The following WDR64 variants were observed in gnomAD, a reference collection of about 807,000 sequenced individuals.
The protein encoded by WDR64 is WD repeat-containing protein 64.
A neutral mutation model predicts 139.3 loss-of-function variants in WDR64; 112 were observed. That is an observed-to-expected ratio of 0.80 (90% CI 0.69 to 0.94). WDR64 has a LOEUF of 0.94. Among genes scored for constraint, WDR64 ranks in the 40% least tolerant of loss-of-function variants. The pLI is 0.00. For missense variants in WDR64, 1,206 were observed against 1,293.1 expected (o/e 0.93, Z 1.03); for synonymous variants, 444 against 437.7 (o/e 1.01, Z -0.18).
Position 241,781,521 on chromosome 1 carries a change from G to C in WDR64, c.2595+1459G>C, listed in dbSNP as rs1658844052. Among the ~76,000 whole-genome samples the C allele has an allele frequency of 2.0e-5, 3 of 151,980 alleles. No homozygotes were observed. The South Asian group carries it at 6.2e-4, about 31-fold the overall frequency. On this transcript the variant is annotated intron_variant, in intron 22 of 27. Coordinates refer to ENST00000437684, the MANE Select transcript of WDR64 (RefSeq NM_001367482.1). ...AATGAATACCTAATAGGTCAGTCTA[G>C]AAAAAAAGGTTAATCTTGTTCTCTC...
Position 241,652,434 on chromosome 1 carries a change from T to C in WDR64, c.-51T>C. On this transcript the variant is annotated 5_prime_UTR_variant, in exon 1 of 28. Coordinates refer to ENST00000437684, the MANE Select transcript of WDR64 (RefSeq NM_001367482.1). ...ACAACTGGAAAGTTTTCCAAATTGG[T>C]AAACTTGCAGTATTCTTTCTGTACA... The C allele has an allele frequency of 6.6e-7, 1 of 1,515,982 alleles. No homozygotes were observed. The highest frequency in any genetic ancestry group is 8.8e-7 in the Non-Finnish European group (1 of 1,130,076). The allele number at this position is 1,515,982 out of a possible 1,614,324, so 93.9% of individuals were successfully genotyped here. A position where few individuals can be genotyped will look rare whatever the true frequency, so the allele number is the denominator to read the frequency against.
intron 14 of WDR64, among the ~76,000 whole-genome samples, chr1:241,754,761 C>T (rs1034696586): frequency 6.6e-6 from 1 of 152,060 alleles, no homozygotes; most frequent in Non-Finnish European, 1.5e-5. Context: ...TGATGTTCCC[C>T]TCCCTGTGTC....
Position 241,787,953 on chromosome 1 carries a change from A to C in WDR64, c.2810A>C (p.Glu937Ala), listed in dbSNP as rs1365816451. Reference protein sequence around the residue: ...RDFILPCDVTEYPIEIKEESK... With the variant: ...RDFILPCDVTAYPIEIKEESK... ...TTCATTTTGCCTTGTGATGTTACTG[A>C]ATATCCCATAGAAATAAAAGAAGAA... Residue 937 changes from glutamate to alanine, a missense_variant, in exon 24 of 28, where the codon GAA (glutamate) becomes GCA (alanine). Coordinates refer to ENST00000437684, the MANE Select transcript of WDR64 (RefSeq NM_001367482.1). The C allele has an allele frequency of 1.2e-6, 2 of 1,611,854 alleles. No individual in the cohort carries two copies. The highest frequency in any genetic ancestry group is 1.3e-5 in the African/African-American group (1 of 74,782).
At chr1:241,737,732 T>C (rs1669381626) in intron 10 of WDR64, among the ~76,000 whole-genome samples, 3 of 152,188 alleles carry the variant, frequency 2.0e-5, no homozygotes, top group South Asian at 4.1e-4. Context: ...TTGTACTTCA[T>C]TGTTCTTTCT....
intron 8 of WDR64, among the ~76,000 whole-genome samples, chr1:241,690,288 T>C (rs912779979): frequency 1.3e-5 from 2 of 151,976 alleles, no homozygotes; most frequent in Admixed American, 1.3e-4. Flanking sequence ...CTGACCAACA[T>C]GGTAAAACCC....
intron 9 of WDR64, among the ~76,000 whole-genome samples, chr1:241,712,249 G>A (rs1384977253): frequency 6.6e-6 from 1 of 152,124 alleles, no homozygotes; most frequent in Non-Finnish European, 1.5e-5. Flanking sequence ...TTTTTCTGGA[G>A]AAAAATTTCA....
intron 10 of WDR64, among the ~76,000 whole-genome samples, chr1:241,735,823 A>ATCTCTATCTC: frequency 1.2e-5 from 1 of 82,944 alleles, no homozygotes; most frequent in African/African-American, 4.4e-5. Context: ...TTCTCTTTCT[A>ATCTCTATCTC]TCTCTCTCTC....
chr1:241,771,933 C>CATACAT (rs1376836969), intron 19 of WDR64, among the ~76,000 whole-genome samples: 31 of 73,514 alleles, frequency 4.2e-4, no homozygotes, highest in South Asian at 3.3e-3. Context: ...CATACATATA[C>CATACAT]ATACATACAT....
intron 8 of WDR64, among the ~76,000 whole-genome samples, chr1:241,694,892 G>C (rs1667425893): frequency 6.6e-6 from 1 of 152,098 alleles, no homozygotes; most frequent in African/African-American, 2.4e-5. Flanking sequence ...GTCACTATGG[G>C]ATAAGCACTA....
intron 27 of WDR64, among the ~76,000 whole-genome samples, chr1:241,798,213 A>G (rs1165297742): frequency 6.6e-6 from 1 of 152,204 alleles, no homozygotes; most frequent in Non-Finnish European, 1.5e-5. Flanking sequence ...AATCACTCTG[A>G]TAGATCGTCG....
chr1:241,679,270 C>T (rs1464977795), intron 5 of WDR64, among the ~76,000 whole-genome samples: 1 of 152,152 alleles, frequency 6.6e-6, no homozygotes, highest in East Asian at 1.9e-4. Context: ...CTGAATCATT[C>T]TCCAGCTGAT....
chr1:241,706,927 A>T (rs1192357915), intron 8 of WDR64, among the ~76,000 whole-genome samples: 1 of 152,208 alleles, frequency 6.6e-6, no homozygotes, highest in Admixed American at 6.5e-5. Context: ...ATGCAGCTAC[A>T]AAATGTGTTT....
intron 27 of WDR64, among the ~76,000 whole-genome samples, chr1:241,799,808 CCA>C (rs993822134): frequency 6.6e-6 from 1 of 151,982 alleles, no homozygotes; most frequent in African/African-American, 2.4e-5. Flanking sequence ...CTAGAGAGCC[CCA>C]CCCTTCCCAT....
At position 241,678,211 on chromosome 1, in the gene WDR64, G is replaced by A. The variant is rs559672271; in HGVS notation, c.508G>A (p.Val170Ile). The change falls in exon 5 of 28, where the codon GTT becomes ATT. Residue 170 changes from valine to isoleucine, a missense_variant. Transcript: ENST00000437684. The part of the protein sequence containing the change: ...NQMRVQTSTN[V>I]TDTSWITGCD... ...GATGAGAGTTCAGACCAGCACCAAT[G>A]TTACAGTAAGTACACTTTAAAAATT... 6 of 398,860 alleles carry A rather than the reference G, an allele frequency of 1.5e-5. No homozygotes were observed. In the Admixed American group the frequency reaches 1.8e-4, roughly 12 times the overall value. 24.7% of individuals were successfully genotyped at this position (398,860 alleles called of 1,614,324 possible).
At chr1:241,791,687 GAA>G (rs1022089434) in intron 25 of WDR64, among the ~76,000 whole-genome samples, 3 of 151,076 alleles carry the variant, frequency 2.0e-5, no homozygotes, top group Non-Finnish European at 4.4e-5. Flanking sequence ...AAAAAAAAAA[GAA>G]AAAACAACGA....
At chr1:241,748,797 G>A (rs754002212) in intron 13 of WDR64, among the ~76,000 whole-genome samples, 2 of 151,868 alleles carry the variant, frequency 1.3e-5, no homozygotes, top group African/African-American at 4.8e-5. Flanking sequence ...AAAATTAGCC[G>A]GGTGTGGTGG....
intron 13 of WDR64, among the ~76,000 whole-genome samples, chr1:241,748,841 G>A (rs1391388766): frequency 6.6e-6 from 1 of 151,822 alleles, no homozygotes; most frequent in African/African-American, 2.4e-5. Flanking sequence ...TCTGGAGGCT[G>A]AGGCAGGAGA....
intron 9 of WDR64, among the ~76,000 whole-genome samples, chr1:241,721,361 C>T (rs998370517): frequency 6.6e-6 from 1 of 150,884 alleles, no homozygotes; most frequent in South Asian, 2.1e-4. Context: ...GAATTTTAGG[C>T]TTTTTATATG....
intron 14 of WDR64, among the ~76,000 whole-genome samples, chr1:241,755,215 T>A (rs971262035): frequency 1.3e-5 from 2 of 152,182 alleles, no homozygotes; most frequent in East Asian, 3.9e-4. Context: ...TATTTCTCCA[T>A]ATCCTCTCCA....
Sources: gnomAD v4.1 joint callset for allele counts (sites outside exome capture counted in the v4.1 genomes callset) on GRCh38, gnomAD v4.1.1 for gene constraint, MANE v1.5 for transcripts, NCBI Gene and HGNC (gene_info 2026-07-23, HGNC 2026-07-21) for gene names.